TTLL11: variants seen among roughly 807,000 people sequenced by gnomAD.
TTLL11 encodes tubulin polyglutamylase TTLL11.
In TTLL11, 42 loss-of-function variants were observed where a neutral mutation model predicts 51.7. The observed-to-expected ratio is 0.81, with a 90% CI of 0.64 to 1.05. The LOEUF (loss-of-function observed/expected upper bound fraction) is 1.05. Among genes scored for constraint, TTLL11 ranks in the 50% least tolerant of loss-of-function variants. The pLI is 0.00. For synonymous variants in TTLL11, 381 were observed against 383.5 expected, an observed-to-expected ratio of 0.99 and a Z score of 0.08; for missense variants, 799 against 940.4, an observed-to-expected ratio of 0.85 and a Z score of 1.97.
In TTLL11 at chr9:122,070,542, C is replaced by T. The variant is rs1845700720; in HGVS notation, c.462+22145G>A. 3.3e-5 allele frequency among the ~76,000 whole-genome samples: 5 copies of T among 152,092 alleles called. No individual in the cohort carries two copies. The South Asian group carries it at 1.0e-3, about 32-fold the overall frequency. On this transcript the variant is annotated intron_variant, in intron 1 of 8. Coordinates refer to ENST00000321582, the MANE Select transcript of TTLL11 (RefSeq NM_001139442.2). The stretch of plus-strand genomic sequence containing the variant: ...AGAGTCTCCTTTTAAATGTGACACC[C>T]CGAGGAAGAATCACAACCTGATTCA...
At chr9:121,972,350 T>C (rs1369007104) in intron 6 of TTLL11, among the ~76,000 whole-genome samples, 3 of 152,208 alleles carry the variant, frequency 2.0e-5, no homozygotes, top group Admixed American at 2.0e-4. Context: ...AATTAATCCA[T>C]TGCTTTTCCC....
chr9:122,066,023 T>G (rs1225655885), intron 1 of TTLL11, among the ~76,000 whole-genome samples: 5 of 152,120 alleles, frequency 3.3e-5, no homozygotes, highest in African/African-American at 1.2e-4. Context: ...TAGGACGTTC[T>G]TAAATGGGGG....
intron 6 of TTLL11, among the ~76,000 whole-genome samples, chr9:121,878,369 G>A (rs2131411620): frequency 6.6e-6 from 1 of 152,348 alleles, no homozygotes; most frequent in African/African-American, 2.4e-5. Flanking sequence ...TGCCAAACAA[G>A]TCAATCTGTT....
At chr9:122,083,107 T>C (rs776507637) in intron 1 of TTLL11, among the ~76,000 whole-genome samples, 14 of 152,190 alleles carry the variant, frequency 9.2e-5, no homozygotes, top group Non-Finnish European at 1.8e-4. Flanking sequence ...TATGATATCA[T>C]GATGGTAATT....
At chr9:121,826,553 G>GTATATATATATATATACATATATA (rs1385087890) in intron 8 of TTLL11, among the ~76,000 whole-genome samples, 1 of 45,224 alleles carries the variant, frequency 2.2e-5, no homozygotes, top group African/African-American at 1.8e-4. Flanking sequence ...ATATATATGT[G>GTATATATATATATATACATATATA]TGTGTATATA....
chr9:121,862,057 C>T (rs939761566), intron 7 of TTLL11, among the ~76,000 whole-genome samples: 11 of 152,116 alleles, frequency 7.2e-5, no homozygotes, highest in African/African-American at 2.4e-4. Context: ...GCTTTGGATG[C>T]TCCACTTGTT....
At chr9:121,830,770 G>A (rs962256380) in intron 8 of TTLL11, among the ~76,000 whole-genome samples, 1 of 152,182 alleles carries the variant, frequency 6.6e-6, no homozygotes, top group Non-Finnish European at 1.5e-5. Context: ...TGATAGAGGA[G>A]ACCTGGAAGG....
At chr9:121,844,874 G>A (rs1321013791) in intron 8 of TTLL11, among the ~76,000 whole-genome samples, 2 of 151,980 alleles carry the variant, frequency 1.3e-5, no homozygotes, top group Admixed American at 6.6e-5. Context: ...GGAACAGTGG[G>A]ACAATGACAA....
chr9:122,090,129 C>A (rs1846220763), intron 1 of TTLL11, among the ~76,000 whole-genome samples: 2 of 139,400 alleles, frequency 1.4e-5, no homozygotes, highest in South Asian at 4.6e-4. Flanking sequence ...TCAACATTAC[C>A]ATTATGCGGC....
At chr9:122,022,092 G>C (rs1415296173) in intron 3 of TTLL11, among the ~76,000 whole-genome samples, 1 of 152,062 alleles carries the variant, frequency 6.6e-6, no homozygotes, top group Admixed American at 6.5e-5. Context: ...TCTCCAAAAT[G>C]AAACAGAATG....
intron 6 of TTLL11, among the ~76,000 whole-genome samples, chr9:121,895,412 GCA>G (rs1839430366): frequency 6.6e-6 from 1 of 151,808 alleles, no homozygotes; most frequent in South Asian, 2.1e-4. Flanking sequence ...GACTGTGTGT[GCA>G]TGAGTGTGCG....
intron 7 of TTLL11, among the ~76,000 whole-genome samples, chr9:121,861,144 G>A (rs1458084215): frequency 1.3e-5 from 2 of 149,786 alleles, no homozygotes; most frequent in African/African-American, 4.9e-5. Flanking sequence ...CTGGAGTGCA[G>A]TATTGTAATC....
At chr9:121,870,411 C>T (rs898548539) in intron 7 of TTLL11, 86 bp downstream of exon 7, 29 of 1,469,242 alleles carry the variant, frequency 2.0e-5, no homozygotes, top group Admixed American at 9.3e-5. Context: ...TTCTCCCGAG[C>T]GCAGTCAGGG....
intron 1 of TTLL11, among the ~76,000 whole-genome samples, chr9:122,040,597 AG>A (rs1844822576): frequency 2.0e-5 from 3 of 152,256 alleles, no homozygotes; most frequent in Admixed American, 2.0e-4. Flanking sequence ...TTCCCATTCT[AG>A]GACTATAGGT....
At chr9:121,894,304 A>G (rs1839371877) in intron 6 of TTLL11, among the ~76,000 whole-genome samples, 1 of 152,162 alleles carries the variant, frequency 6.6e-6, no homozygotes, top group Admixed American at 6.5e-5. Context: ...TGGGAGTGTA[A>G]ATTAGTTCAA....
chr9:121,902,046 T>C (rs1017211394), intron 6 of TTLL11, among the ~76,000 whole-genome samples: 1 of 152,014 alleles, frequency 6.6e-6, no homozygotes, highest in Non-Finnish European at 1.5e-5. Context: ...ATCTATTGTG[T>C]GATCACACAA....
chr9:121,918,292 AC>A (rs1840410912), intron 6 of TTLL11, among the ~76,000 whole-genome samples: 1 of 152,176 alleles, frequency 6.6e-6, no homozygotes, highest in Non-Finnish European at 1.5e-5. Context: ...TAGAGCATTG[AC>A]CAGAGAAACC....
At chr9:121,972,716 C>G (rs1313242111) in intron 6 of TTLL11, among the ~76,000 whole-genome samples, 2 of 152,250 alleles carry the variant, frequency 1.3e-5, no homozygotes, top group Non-Finnish European at 2.9e-5. Flanking sequence ...AACCTAGAAA[C>G]TTTCTGTGGC....
At chr9:122,075,127 C>T (rs1433355969) in intron 1 of TTLL11, among the ~76,000 whole-genome samples, 2 of 152,206 alleles carry the variant, frequency 1.3e-5, no homozygotes, top group Admixed American at 6.5e-5. Flanking sequence ...ATATTAATAA[C>T]CAACATTCAT....
Sources: gnomAD v4.1 joint callset for allele counts (sites outside exome capture counted in the v4.1 genomes callset) on GRCh38, gnomAD v4.1.1 for gene constraint, MANE v1.5 for transcripts, NCBI Gene and HGNC (gene_info 2026-07-23, HGNC 2026-07-21) for gene names.